Variants in CLDN18 observed in about 807,000 individuals in gnomAD.
The protein encoded by CLDN18 is claudin 18.
CLDN18 carries 20 observed loss-of-function variants against 25.0 expected under a neutral mutation model. The observed-to-expected ratio is 0.80, with a 90% CI of 0.56 to 1.16. The LOEUF (loss-of-function observed/expected upper bound fraction) is 1.16. Ranked by LOEUF, CLDN18 falls within the 50% of genes most tolerant of loss-of-function variation. The probability of loss-of-function intolerance (pLI) is 0.00; values close to 1 mark genes in which losing one functional copy is unlikely to be tolerated. For synonymous variants in CLDN18, 125 were observed against 135.6 expected (o/e 0.92, Z 0.54); for missense variants, 297 against 345.4 (o/e 0.86, Z 1.11).
At chr3:138,022,560 C>A (rs114850270) in intron 1 of CLDN18, among the ~76,000 whole-genome samples, 2,128 of 152,248 alleles carry the variant, frequency 0.014, 38 homozygotes, top group African/African-American at 0.048. Context: ...TAAGACACAG[C>A]AACTCCTTCA....
Position 138,031,397 on chromosome 3 carries a change from A to G in CLDN18, c.*256A>G. The G allele has an allele frequency of 3.2e-6, 1 of 309,066 alleles. No homozygotes were observed. The allele number at this position is 309,066 out of a possible 1,614,324, so 19.1% of individuals were successfully genotyped here. A position where few individuals can be genotyped will look rare whatever the true frequency, so the allele number is the denominator to read the frequency against. ...CAATCCTCTATTTCTTTTTTTAAAT[A>G]TAACTTTCTACTCTGATGAGAGAAT... On this transcript the variant is annotated 3_prime_UTR_variant, in exon 5 of 5. Transcript: ENST00000183605.
intron 1 of CLDN18, among the ~76,000 whole-genome samples, chr3:138,018,631 C>T (rs1428698744): frequency 3.3e-5 from 5 of 152,002 alleles, no homozygotes; most frequent in African/African-American, 7.2e-5. Flanking sequence ...CCACCGCACC[C>T]GGCCCTCAAG....
At chr3:138,026,517 C>T (rs966310343) in intron 3 of CLDN18, among the ~76,000 whole-genome samples, 1 of 152,008 alleles carries the variant, frequency 6.6e-6, no homozygotes, top group Non-Finnish European at 1.5e-5. Context: ...TGGTGGCAGG[C>T]GCCTGTAGTC....
chr3:138,001,379 C>T (rs78612927), intron 1 of CLDN18, among the ~76,000 whole-genome samples: 3 of 141,180 alleles, frequency 2.1e-5, no homozygotes, highest in African/African-American at 2.6e-5. Context: ...TCCCCCCATT[C>T]TTTTTTTTTT....
intron 3 of CLDN18, among the ~76,000 whole-genome samples, chr3:138,029,540 G>C (rs920228762): frequency 1.3e-5 from 2 of 152,208 alleles, no homozygotes; most frequent in Non-Finnish European, 2.9e-5. Flanking sequence ...GTGTCACAGA[G>C]ATAAGATTTA....
chr3:138,003,802 GGA>G (rs1271717097), intron 1 of CLDN18, among the ~76,000 whole-genome samples: 1 of 151,980 alleles, frequency 6.6e-6, no homozygotes, highest in Non-Finnish European at 1.5e-5. Context: ...TGATTTAGTT[GGA>G]GAGACAGGAA....
In CLDN18 at chr3:138,031,439, T is replaced by C. The variant is rs1476151587; in HGVS notation, c.*298T>C. ...TGAGAGAATGTGGTTTTAATCTCTCTCTCACATTTTGATGATTTAGACAGA... is the reference window on the plus strand; with the variant it reads ...TGAGAGAATGTGGTTTTAATCTCTCCCTCACATTTTGATGATTTAGACAGA... On this transcript the variant is annotated 3_prime_UTR_variant, in exon 5 of 5. Transcript: ENST00000183605. 4.7e-6 allele frequency: 1 copy of C among 212,090 alleles called. No homozygotes were observed. Among genetic ancestry groups the C allele is most frequent in the Non-Finnish European group, 9.3e-6 (1 of 108,074 alleles). 13.1% of individuals were successfully genotyped at this position (212,090 alleles called of 1,614,324 possible).
At chr3:138,019,487 C>T (rs953462031) in intron 1 of CLDN18, among the ~76,000 whole-genome samples, 6 of 152,168 alleles carry the variant, frequency 3.9e-5, no homozygotes, top group Admixed American at 6.6e-5. Flanking sequence ...GGCCCCAGTC[C>T]AGGCCTTTGG....
At chr3:138,018,547 G>T (rs890653079) in intron 1 of CLDN18, among the ~76,000 whole-genome samples, 52 of 151,676 alleles carry the variant, frequency 3.4e-4, no homozygotes, top group African/African-American at 1.1e-3. Context: ...CGTTTTAGCC[G>T]GGATGGTCTC....
intron 1 of CLDN18, chr3:137,999,239 G>A: frequency 3.0e-6 from 2 of 676,590 alleles, no homozygotes; most frequent in Non-Finnish European, 5.1e-6. Flanking sequence ...CACCAGGGTG[G>A]AATAGGAGGA....
chr3:138,032,777 C>T lies in CLDN18; in HGVS notation c.*1636C>T, dbSNP rs1377586092. 1 of 152,220 alleles carries T rather than the reference C, an allele frequency of 6.6e-6. No homozygotes were observed. The highest frequency in any genetic ancestry group is 6.5e-5 in the Admixed American group (1 of 15,284). The allele number at this position is 152,220 out of a possible 1,614,324, so 9.4% of individuals were successfully genotyped here. A position where few individuals can be genotyped will look rare whatever the true frequency, so the allele number is the denominator to read the frequency against. On this transcript the variant is annotated 3_prime_UTR_variant, in exon 5 of 5. Coordinates refer to ENST00000183605, the MANE Select transcript of CLDN18 (RefSeq NM_016369.4). The stretch of plus-strand genomic sequence containing the variant: ...GTTTTGTTACTCTGAGAGCTGTTCA[C>T]TTCTCTGAATTCACCTAGAGTGGTT...
At position 138,029,797 on chromosome 3, in the gene CLDN18, G is replaced by C. The variant is rs752826625; in HGVS notation, c.504G>C (p.Arg168Ser). 1 of 1,553,004 alleles carries C rather than the reference G, an allele frequency of 6.4e-7. No individual in the cohort carries two copies. Among genetic ancestry groups the C allele is most frequent in the African/African-American group, 1.4e-5 (1 of 73,658 alleles). Residue 168 changes from arginine (R) to serine (S), a missense_variant and splice_region_variant, in exon 4 of 5, where the codon AGG becomes AGC. Coordinates refer to ENST00000183605, the MANE Select transcript of CLDN18 (RefSeq NM_016369.4). ...MGGMVQTVQT[R>S]YTFGAALFVG... ...TGACAGCCACCATCTCCCTACCCAG[G>C]TACACATTTGGTGCGGCTCTGTTCG...
At chr3:138,030,778 G>T (rs1942382489) in intron 4 of CLDN18, among the ~76,000 whole-genome samples, 192 bp from the exon 5 acceptor site, 2 of 152,204 alleles carry the variant, frequency 1.3e-5, no homozygotes, top group Non-Finnish European at 2.9e-5. Context: ...AAGAACTTCT[G>T]TTCCACTGCA....
chr3:138,027,941 G>A (rs147952676), intron 3 of CLDN18, among the ~76,000 whole-genome samples: 247 of 152,240 alleles, frequency 1.6e-3, no homozygotes, highest in African/African-American at 5.3e-3. Flanking sequence ...CCAGTCCAAG[G>A]AAATAAAAAT....
intron 3 of CLDN18, among the ~76,000 whole-genome samples, chr3:138,025,741 C>A (rs1003571698): frequency 1.3e-5 from 2 of 152,202 alleles, no homozygotes; most frequent in African/African-American, 4.8e-5. Context: ...GGGACTTTCC[C>A]AGTTTTAGCA....
upstream of CLDN18, among the ~76,000 whole-genome samples, chr3:138,009,514 G>A (rs1942105148): frequency 6.6e-6 from 1 of 152,158 alleles, no homozygotes; most frequent in Non-Finnish European, 1.5e-5. Context: ...GGACAATTTT[G>A]CCTGCCCCTG....
intron 3 of CLDN18, among the ~76,000 whole-genome samples, chr3:138,025,849 G>T (rs1353334338): frequency 6.6e-6 from 1 of 152,066 alleles, no homozygotes; most frequent in Non-Finnish European, 1.5e-5. Context: ...GAGTATTTGG[G>T]TGCCTGGGGT....
intron 1 of CLDN18, among the ~76,000 whole-genome samples, chr3:138,015,081 G>A (rs1390882181): frequency 6.6e-6 from 1 of 152,114 alleles, no homozygotes; most frequent in Non-Finnish European, 1.5e-5. Flanking sequence ...GCAGTGAACT[G>A]TGATCATGCC....
intron 3 of CLDN18, among the ~76,000 whole-genome samples, chr3:138,027,096 A>C (rs1429024281): frequency 6.6e-6 from 1 of 152,234 alleles, no homozygotes; most frequent in East Asian, 1.9e-4. Context: ...ACTTCACCCC[A>C]CACACACATA....
Sources: gnomAD v4.1 joint callset for allele counts (sites outside exome capture counted in the v4.1 genomes callset) on GRCh38, gnomAD v4.1.1 for gene constraint, MANE v1.5 for transcripts, NCBI Gene and HGNC (gene_info 2026-07-23, HGNC 2026-07-21) for gene names.